Variants in SAMSN1 observed in about 807,000 individuals in gnomAD.
The protein encoded by SAMSN1 is SAM domain, SH3 domain and nuclear localization signals 1, also known as SAM domain-containing protein SAMSN-1.
A neutral mutation model predicts 42.0 loss-of-function variants in SAMSN1; 31 were observed. The observed-to-expected ratio is 0.74, with a 90% confidence interval of 0.55 to 1.00. The LOEUF (loss-of-function observed/expected upper bound fraction) is 1.00, where lower values mean the gene tolerates loss of function less well. Ranked by LOEUF, SAMSN1 falls within the 50% of genes least tolerant of loss-of-function variation. SAMSN1 has a pLI of 0.00. For missense variants in SAMSN1, 464 were observed against 439.4 expected, an observed-to-expected ratio of 1.06 and a Z score of -0.50; for synonymous variants, 178 against 151.9, an observed-to-expected ratio of 1.17 and a Z score of -1.26.
chr21:14,506,084 G>T (rs550538499), intron 5 of SAMSN1, among the ~76,000 whole-genome samples: 11 of 152,120 alleles, frequency 7.2e-5, no homozygotes, highest in Non-Finnish European at 1.5e-4. Context: ...GGTGCTAAGG[G>T]GAAAGTGCAT....
intron 5 of SAMSN1, chr21:14,609,340 A>T: frequency 6.5e-6 from 4 of 613,654 alleles, no homozygotes; most frequent in Non-Finnish European, 1.2e-5. Context: ...TGCATATTCT[A>T]TTCTATCTTA....
intron 2 of SAMSN1, among the ~76,000 whole-genome samples, chr21:14,561,359 C>T (rs918620306): frequency 1.3e-5 from 2 of 152,128 alleles, no homozygotes; most frequent in Admixed American, 1.3e-4. Context: ...TCTAGTTCTT[C>T]TGCATGGGCT....
At chr21:14,544,675 T>G (rs1980272216) in intron 1 of SAMSN1, among the ~76,000 whole-genome samples, 1 of 152,190 alleles carries the variant, frequency 6.6e-6, no homozygotes, top group Non-Finnish European at 1.5e-5. Flanking sequence ...TTTTATTTTA[T>G]GAATAAGGAA....
At chr21:14,581,069 A>G (rs1981696896) in intron 2 of SAMSN1, among the ~76,000 whole-genome samples, 1 of 152,144 alleles carries the variant, frequency 6.6e-6, no homozygotes, top group Non-Finnish European at 1.5e-5. Context: ...TAACTTATCC[A>G]AGCCCAAAAA....
exon 2 of SAMSN1, chr21:14,582,232 T>A (rs375632704): frequency 1.9e-6 from 3 of 1,550,902 alleles, no homozygotes; most frequent in Non-Finnish European, 8.7e-7. Context: ...CTTGTGCTAT[T>A]TGGAAATCAA....
rs548562443 is a variant in SAMSN1, at chr21:14,583,037, A to C, written c.-93+283T>G. Among the ~76,000 whole-genome samples, 29 of 152,320 alleles carry C rather than the reference A, an allele frequency of 1.9e-4. 1 individual carries two copies. In the South Asian group the frequency reaches 3.9e-3, roughly 21 times the overall value. ...CTCACAGTGAAATGGTTTTCAAAAA[A>C]CAAGAACGACAAAAATTTAAAAAAG... is the stretch of plus-strand genomic sequence containing the variant. On this transcript the variant is annotated intron_variant, in intron 1 of 8. Coordinates refer to the SAMSN1 transcript ENST00000285670.
At chr21:14,525,388 C>G (rs910193279) in intron 1 of SAMSN1, among the ~76,000 whole-genome samples, 3 of 152,056 alleles carry the variant, frequency 2.0e-5, no homozygotes, top group Non-Finnish European at 4.4e-5. Flanking sequence ...GGAAAAAATA[C>G]AGACAAGAAA....
At chr21:14,654,094 T>A (rs1443547200) in intron 1 of SAMSN1, among the ~76,000 whole-genome samples, 1 of 152,006 alleles carries the variant, frequency 6.6e-6, no homozygotes, top group Non-Finnish European at 1.5e-5. Context: ...GGAAGCAAAT[T>A]TATTAATCAA....
At chr21:14,605,121 A>C (rs1173887515) in intron 5 of SAMSN1, among the ~76,000 whole-genome samples, 1 of 152,228 alleles carries the variant, frequency 6.6e-6, no homozygotes, top group Non-Finnish European at 1.5e-5. Context: ...GATGTAAAAA[A>C]GTTTTTATTT....
Position 14,516,415 on chromosome 21 carries a change from C to A in SAMSN1, c.279+477G>T, listed in dbSNP as rs13046425. Among the ~76,000 whole-genome samples the A allele has an allele frequency of 7.9e-5, 12 of 151,818 alleles. No individual in the cohort carries two copies. In the South Asian group the frequency reaches 1.2e-3, roughly 16 times the overall value. ...TTTTTTTTTGTTTTGTTTTTTGAGA[C>A]GCCATCTTGCTCTGTTGCCAGGCTG... On this transcript the variant is annotated intron_variant, in intron 3 of 7. Coordinates refer to ENST00000400566, the MANE Select transcript of SAMSN1 (RefSeq NM_022136.5).
chr21:14,511,394 C>A (rs919882058), intron 4 of SAMSN1, among the ~76,000 whole-genome samples: 1 of 152,224 alleles, frequency 6.6e-6, no homozygotes, highest in Non-Finnish European at 1.5e-5. Context: ...ATTCTCCCCA[C>A]ATCCAGCATC....
At chr21:14,516,780 A>G in intron 3 of SAMSN1, 112 bp downstream of exon 3, 1 of 858,054 alleles carries the variant, frequency 1.2e-6, no homozygotes, top group Non-Finnish European at 1.7e-6. Context: ...TGACTGAGGA[A>G]GAAAACAAAT....
chr21:14,567,321 A>G lies in SAMSN1; in HGVS notation c.261+14815T>C, dbSNP rs183721547. 9.2e-5 allele frequency among the ~76,000 whole-genome samples: 14 copies of G among 151,764 alleles called. No individual in the cohort carries two copies. In the East Asian group the frequency reaches 2.5e-3, roughly 27 times the overall value. ...CTTGAAAAAAAAAAAAACACAAAAA[A>G]TGACCCAGTCCAGAGCATCAGATTT... On this transcript the variant is annotated intron_variant, in intron 2 of 8. Coordinates refer to the SAMSN1 transcript ENST00000285670.
At chr21:14,642,387 T>C (rs564803103) in intron 2 of SAMSN1, among the ~76,000 whole-genome samples, 1 of 152,350 alleles carries the variant, frequency 6.6e-6, no homozygotes, top group East Asian at 1.9e-4. Context: ...TGATGGTGTG[T>C]ATCCATAAAT....
intron 1 of SAMSN1, among the ~76,000 whole-genome samples, chr21:14,645,354 G>A (rs944827514): frequency 6.6e-6 from 1 of 152,232 alleles, no homozygotes; most frequent in Non-Finnish European, 1.5e-5. Flanking sequence ...AGTAATAAAA[G>A]AGAACAAGAG....
Position 14,500,668 on chromosome 21 carries a change from T to C in SAMSN1, c.629A>G (p.Lys210Arg). ...MGMWTGMLNNKVGNFKFIYVD... is the reference protein window; with the variant it reads ...MGMWTGMLNNRVGNFKFIYVD... ...ATAAATGAATTTGAAGTTTCCCACTTTATTGTTCAACATTCCTGTCCACAT... is the reference window on the plus strand; with the variant it reads ...ATAAATGAATTTGAAGTTTCCCACTCTATTGTTCAACATTCCTGTCCACAT... The change falls in exon 6 of 8, where the codon AAA becomes AGA. Residue 210 changes from lysine to arginine, a missense_variant. Coordinates refer to ENST00000400566, the MANE Select transcript of SAMSN1 (RefSeq NM_022136.5). The C allele has an allele frequency of 1.2e-6, 2 of 1,614,166 alleles. No individual in the cohort carries two copies. The highest frequency in any genetic ancestry group is 8.5e-7 in the Non-Finnish European group (1 of 1,180,004).
chr21:14,633,888 A>G (rs1236953515), intron 2 of SAMSN1, among the ~76,000 whole-genome samples: 2 of 152,110 alleles, frequency 1.3e-5, no homozygotes, highest in South Asian at 2.1e-4. Context: ...GACACATATC[A>G]TATTGTTTGT....
chr21:14,579,155 C>T (rs988808854), intron 2 of SAMSN1, among the ~76,000 whole-genome samples: 3 of 152,126 alleles, frequency 2.0e-5, no homozygotes, highest in East Asian at 1.9e-4. Context: ...TCTCAAATCC[C>T]GGAGTGTAAG....
intron 5 of SAMSN1, among the ~76,000 whole-genome samples, chr21:14,504,700 A>T (rs917953164): frequency 6.6e-6 from 1 of 152,210 alleles, no homozygotes; most frequent in Admixed American, 6.5e-5. Context: ...ATCAAGGAAA[A>T]CTTCCCTGGC....
Sources: allele counts gnomAD v4.1 joint callset (sites outside exome capture counted in the v4.1 genomes callset), GRCh38; gene constraint gnomAD v4.1.1; transcripts MANE v1.5; gene names NCBI Gene and HGNC (gene_info 2026-07-23, HGNC 2026-07-21).